Variants in CNGB1 observed in about 807,000 individuals in gnomAD.
The protein encoded by CNGB1 is cyclic nucleotide gated channel subunit beta 1.
A neutral mutation model predicts 151.7 loss-of-function variants in CNGB1; 126 were observed. The observed-to-expected ratio is 0.83, with a 90% CI of 0.72 to 0.96. The LOEUF (loss-of-function observed/expected upper bound fraction) is 0.96, where lower values mean the gene tolerates loss of function less well. CNGB1 is among the 40% of genes least tolerant of loss of function. CNGB1 has a pLI of 0.00. For synonymous variants in CNGB1, 623 were observed against 635.1 expected (o/e 0.98, Z 0.29); for missense variants, 1,698 against 1,627.0 (o/e 1.04, Z -0.75).
chr16:57,938,852 G>A (rs1443530960), intron 16 of CNGB1, among the ~76,000 whole-genome samples: 1 of 152,166 alleles, frequency 6.6e-6, no homozygotes, highest in Non-Finnish European at 1.5e-5. Context: ...CTCCGCCATT[G>A]CTTGAGTTCT....
At chr16:57,919,354 G>A in intron 19 of CNGB1, 100 bp from the exon 20 acceptor site, 2 of 1,603,938 alleles carry the variant, frequency 1.2e-6, no homozygotes, top group Non-Finnish European at 1.7e-6. Flanking sequence ...CCAGATCTGA[G>A]AGGACCCTGG....
At chr16:57,960,357 C>T (rs1962212465) in intron 9 of CNGB1, 125 bp downstream of exon 9, 1 of 1,342,266 alleles carries the variant, frequency 7.5e-7, no homozygotes, top group Non-Finnish European at 1.0e-6. Flanking sequence ...CAGGCAAGCC[C>T]TGAACCCCGT....
Position 57,883,653 on chromosome 16 carries a change from CA to C in CNGB1, c.*510del, listed in dbSNP as rs1250335916. ...AGTCTGCTCTCCAACTCTTGGCCTC[CA>C]GTGATCCTCCTGCTTCGGCTTCCCA... On this transcript the variant is annotated 3_prime_UTR_variant, in exon 33 of 33. Transcript: ENST00000251102. 5.5e-6 allele frequency: 1 copy of C among 181,110 alleles called. No individual in the cohort carries two copies. The highest frequency in any genetic ancestry group is 1.2e-5 in the Non-Finnish European group (1 of 86,366). The allele number at this position is 181,110 out of a possible 1,614,324, so 11.2% of individuals were successfully genotyped here. A position where few individuals can be genotyped will look rare whatever the true frequency, so the allele number is the denominator to read the frequency against.
rs1962325756 is a variant in CNGB1 at position 57,964,036 on chromosome 16, G to A, written c.290+94C>T. 11 of 1,170,090 alleles carry A rather than the reference G, an allele frequency of 9.4e-6. No individual in the cohort carries two copies. The South Asian group carries it at 1.4e-4, about 15-fold the overall frequency. 72.5% of individuals were successfully genotyped at this position (1,170,090 alleles called of 1,614,324 possible). On this transcript the variant is annotated intron_variant, in intron 4 of 32. Transcript: ENST00000251102. ...CAGAATGACAGCAGAGCTAAGGGCA[G>A]TGCCCATCCCCACCCCCATCCCCAG... is the stretch of plus-strand genomic sequence containing the variant.
chr16:57,900,827 T>C (rs1030516903), intron 29 of CNGB1, among the ~76,000 whole-genome samples: 18 of 151,998 alleles, frequency 1.2e-4, no homozygotes, highest in Admixed American at 2.0e-4. Context: ...TTTTTAAAGG[T>C]TGGGGACCAA....
intron 1 of CNGB1, among the ~76,000 whole-genome samples, chr16:57,970,557 G>A (rs963627466): frequency 6.6e-6 from 1 of 152,152 alleles, no homozygotes; most frequent in African/African-American, 2.4e-5. Flanking sequence ...GGCCTCTTCC[G>A]CGGGCCAGGC....
chr16:57,965,818 CAA>C lies in CNGB1; in HGVS notation c.160-1276_160-1275del, dbSNP rs1329090193. Among the ~76,000 whole-genome samples, 3 of 152,126 alleles carry C rather than the reference CAA, an allele frequency of 2.0e-5. No homozygotes were observed. In the South Asian group the frequency reaches 6.2e-4, roughly 31 times the overall value. Reference sequence around the variant, plus strand: ...ATACATGTGCACATAAACATATGTGCAAACACATATACATGCATTCATGTACA... The same window carrying C: ...ATACATGTGCACATAAACATATGTGCACACATATACATGCATTCATGTACA... On this transcript the variant is annotated intron_variant, in intron 2 of 32. Coordinates refer to ENST00000251102, the MANE Select transcript of CNGB1 (RefSeq NM_001297.5).
intron 17 of CNGB1, among the ~76,000 whole-genome samples, chr16:57,926,903 C>T (rs1223020601): frequency 6.6e-6 from 1 of 152,168 alleles, no homozygotes; most frequent in African/African-American, 2.4e-5. Context: ...TCGCTTAAAT[C>T]AGGGAGGCAG....
rs756085132 is a variant in CNGB1 at position 57,962,928 on chromosome 16, A to T, written c.381+46T>A. 4 of 1,612,184 alleles carry T rather than the reference A, an allele frequency of 2.5e-6. No individual in the cohort carries two copies. The Admixed American group carries it at 6.7e-5, about 27-fold the overall frequency. On this transcript the variant is annotated intron_variant, in intron 5 of 32. Transcript: ENST00000251102. The stretch of plus-strand genomic sequence containing the variant: ...GGGAGCCCAAGGGCAGCCTCCCCAC[A>T]GCCCCTCTCCAACCCGGCCCCTTCA...
At chr16:57,901,781 G>A (rs1303986085) in intron 27 of CNGB1, among the ~76,000 whole-genome samples, 156 bp from the exon 28 acceptor site, 1 of 152,200 alleles carries the variant, frequency 6.6e-6, no homozygotes, top group Admixed American at 6.5e-5. Context: ...CTCACCTCCA[G>A]GCATTTGCCA....
At chr16:57,913,060 C>T (rs1012215413) in intron 23 of CNGB1, 66 bp from the exon 24 acceptor site, 92 of 1,517,750 alleles carry the variant, frequency 6.1e-5, no homozygotes, top group South Asian at 2.2e-4. Flanking sequence ...CCCACGCCCA[C>T]GGGCGCCGAG....
intron 16 of CNGB1, among the ~76,000 whole-genome samples, chr16:57,939,001 G>A (rs1333646575): frequency 6.6e-6 from 1 of 152,198 alleles, no homozygotes. Flanking sequence ...ACTCAGCTAT[G>A]TGATGTCTGA....
rs746810136 is a variant in CNGB1, at chr16:57,939,571, C to T, written c.1231G>A (p.Glu411Lys). The T allele has an allele frequency of 1.2e-6, 2 of 1,614,190 alleles. No homozygotes were observed. Among genetic ancestry groups the T allele is most frequent in the Non-Finnish European group, 1.7e-6 (2 of 1,180,024 alleles). ...TCTTCAGCCTCCTTCTTGGCCTCCT[C>T]CCCAACTTCCTCCCACAGCTTCTGC... is the stretch of plus-strand genomic sequence containing the variant. ...SDQKLWEEVGEEAKKEAEEKA... is the reference protein window; with the variant it reads ...SDQKLWEEVGKEAKKEAEEKA... Residue 411 changes from glutamate to lysine, a missense_variant, in exon 16 of 33, where the codon GAG becomes AAG. By Grantham distance (56) the Glu-to-Lys change is moderately conservative. Transcript: ENST00000251102.
rs370374526 is a variant in CNGB1 at position 57,917,279 on chromosome 16, C to T, written c.2155G>A (p.Gly719Arg). 5.6e-6 allele frequency: 9 copies of T among 1,613,400 alleles called. No individual in the cohort carries two copies. The highest frequency in any genetic ancestry group is 1.3e-5 in the African/African-American group (1 of 74,884). ...TGCCTGTGACTCACAATGATGTCCC[C>T]GCCTCTGACAAACTGCAGGCGTGTC... The part of the protein sequence containing the change: ...FQTRLQFVRG[G>R]DIITDKKDMR... The change falls in exon 21 of 33, where the codon GGG becomes AGG. Residue 719 changes from glycine to arginine, a missense_variant. Gly to Arg is a moderately radical substitution (Grantham distance 125, BLOSUM62 -2). Transcript: ENST00000251102.
chr16:57,905,554 G>GC (rs1263714026), intron 25 of CNGB1, among the ~76,000 whole-genome samples: 1 of 152,236 alleles, frequency 6.6e-6, no homozygotes, highest in African/African-American at 2.4e-5. Context: ...CATAGGAAAT[G>GC]CCCCAAGTGC....
chr16:57,885,579 T>TC (rs1491547916), intron 32 of CNGB1, among the ~76,000 whole-genome samples: 18,695 of 52,794 alleles, frequency 0.35, 2,021 homozygotes, highest in East Asian at 0.49. Flanking sequence ...TCTCTCTCTC[T>TC]TTCTTTCTTT....
intron 15 of CNGB1, 84 bp from the exon 16 acceptor site, chr16:57,939,676 G>C (rs1399144780): frequency 1.6e-5 from 25 of 1,576,592 alleles, no homozygotes; most frequent in Non-Finnish European, 1.8e-5. Flanking sequence ...TCTGCCTTCA[G>C]AAGTCCACAT....
chr16:57,924,479 G>A (rs1476378773), intron 17 of CNGB1, among the ~76,000 whole-genome samples: 1 of 152,168 alleles, frequency 6.6e-6, no homozygotes, highest in Non-Finnish European at 1.5e-5. Context: ...GGAGAAGAAT[G>A]GTCATTATTA....
intron 30 of CNGB1, 63 bp downstream of exon 30, chr16:57,897,733 G>A (rs1356903149): frequency 2.5e-6 from 4 of 1,568,778 alleles, no homozygotes; most frequent in East Asian, 4.5e-5. Context: ...CGCACTGCCC[G>A]CTGGCCGCCT....
Sources: gnomAD v4.1 joint callset for allele counts (sites outside exome capture counted in the v4.1 genomes callset) on GRCh38, gnomAD v4.1.1 for gene constraint, MANE v1.5 for transcripts, NCBI Gene and HGNC (gene_info 2026-07-23, HGNC 2026-07-21) for gene names.